The following KCNQ1OT1 variants were observed in gnomAD, a reference collection of about 807,000 sequenced individuals.
KCNQ1OT1 encodes the protein KCNQ1 antisense RNA 2 (non-protein coding).
rs1849259621 is a variant in KCNQ1OT1 at position 2,626,195 on chromosome 11, A to T, written n.73800T>A. 2 of 398,404 alleles carry T rather than the reference A, an allele frequency of 5.0e-6. No homozygotes were observed. Among genetic ancestry groups the T allele is most frequent in the South Asian group, 2.5e-4 (2 of 7,854 alleles). 24.7% of individuals were successfully genotyped at this position (398,404 alleles called of 1,614,324 possible). ...CCTTATAAGACTTCATAGTTTTAGG[A>T]CTTTGACCCATTTTGAGTAAGTTTT... is the stretch of plus-strand genomic sequence containing the variant. On this transcript the variant is annotated non_coding_transcript_exon_variant, in exon 1 of 1. Coordinates refer to ENST00000597346, the Ensembl canonical transcript of KCNQ1OT1. The surrounding 1 kb of genome is among the most constrained non-coding windows in gnomAD (Gnocchi z 4.0).
chr11:2,609,977 C>T (rs1589979960), exon 1 of KCNQ1OT1: 1 of 397,742 alleles, frequency 2.5e-6, no homozygotes, highest in Admixed American at 4.4e-5. Flanking sequence ...TAATTCCTGC[C>T]TTTGATTAGA....
rs375560125 is a variant in KCNQ1OT1 at position 2,667,156 on chromosome 11, T to C, written n.32839A>G. On this transcript the variant is annotated non_coding_transcript_exon_variant, in exon 1 of 1. Transcript: ENST00000597346. Reference sequence around the variant, plus strand: ...AGATGGGATTGGGAATCAGATGCCCTCAATCTGGCTTCCAGCCTGCCATCA... The same window carrying C: ...AGATGGGATTGGGAATCAGATGCCCCCAATCTGGCTTCCAGCCTGCCATCA... The C allele has an allele frequency of 1.0e-3, 403 of 398,646 alleles. No individual in the cohort carries two copies. The highest frequency in any genetic ancestry group is 1.9e-3 in the Middle Eastern group (3 of 1,588). 24.7% of individuals were successfully genotyped at this position (398,646 alleles called of 1,614,324 possible). A position where few individuals can be genotyped will look rare whatever the true frequency, so the allele number is the denominator to read the frequency against.
In KCNQ1OT1 at chr11:2,673,901, C is replaced by T. The variant is rs1309698997; in HGVS notation, n.26094G>A. On this transcript the variant is annotated non_coding_transcript_exon_variant, in exon 1 of 1. Coordinates refer to ENST00000597346, the Ensembl canonical transcript of KCNQ1OT1. This position sits in a 1 kb window ranked among gnomAD's most constrained non-coding sequence, Gnocchi z 4.5. ...GCAGGCACAGGAAGGGATGGGAGCTCAGCTCACCGGGTGCTAGACAAGGGA... is the reference window on the plus strand; with the variant it reads ...GCAGGCACAGGAAGGGATGGGAGCTTAGCTCACCGGGTGCTAGACAAGGGA... The T allele has an allele frequency of 7.6e-6, 3 of 397,056 alleles. No homozygotes were observed. Among genetic ancestry groups the T allele is most frequent in the South Asian group, 1.3e-4 (1 of 7,814 alleles). The allele number at this position is 397,056 out of a possible 1,614,324, so 24.6% of individuals were successfully genotyped here.
chr11:2,659,859 CT>C lies in KCNQ1OT1; in HGVS notation n.40135del, dbSNP rs1193145292. On this transcript the variant is annotated non_coding_transcript_exon_variant, in exon 1 of 1. Transcript: ENST00000597346. This position sits in a 1 kb window ranked among gnomAD's most constrained non-coding sequence, Gnocchi z 4.3. The stretch of plus-strand genomic sequence containing the variant: ...TGTTAATTATGTATCTTTTCATGTG[CT>C]TATTTATAATCCATTTTTAAAATTG... The C allele has an allele frequency of 1.8e-5, 7 of 398,038 alleles. No homozygotes were observed. The East Asian group carries it at 2.5e-4, about 14-fold the overall frequency. 24.7% of individuals were successfully genotyped at this position (398,038 alleles called of 1,614,324 possible).
rs1850575100 is a variant in KCNQ1OT1 at position 2,690,767 on chromosome 11, G to A, written n.9228C>T. 2 of 398,640 alleles carry A rather than the reference G, an allele frequency of 5.0e-6. No individual in the cohort carries two copies. Among genetic ancestry groups the A allele is most frequent in the Non-Finnish European group, 8.8e-6 (2 of 226,072 alleles). The allele number at this position is 398,640 out of a possible 1,614,324, so 24.7% of individuals were successfully genotyped here. On this transcript the variant is annotated non_coding_transcript_exon_variant, in exon 1 of 1. Coordinates refer to ENST00000597346, the Ensembl canonical transcript of KCNQ1OT1. This position sits in a 1 kb window ranked among gnomAD's most constrained non-coding sequence, Gnocchi z 5.1. ...ATCCCAAATCCCTTAGGTGGATGTGGCCTGGCAGGGGGTCAGCAGGAGGGA... is the reference window on the plus strand; with the variant it reads ...ATCCCAAATCCCTTAGGTGGATGTGACCTGGCAGGGGGTCAGCAGGAGGGA...
Position 2,679,079 on chromosome 11 carries a change from A to G in KCNQ1OT1, n.20916T>C. 2.5e-6 allele frequency: 1 copy of G among 398,654 alleles called. No individual in the cohort carries two copies. Among genetic ancestry groups the G allele is most frequent in the Non-Finnish European group, 4.4e-6 (1 of 226,076 alleles). 24.7% of individuals were successfully genotyped at this position (398,654 alleles called of 1,614,324 possible). ...CACCAAAAAAACCCACTAACACCATAAAGTGTCATAGCTAGAGCTAGAGTG... is the reference window on the plus strand; with the variant it reads ...CACCAAAAAAACCCACTAACACCATGAAGTGTCATAGCTAGAGCTAGAGTG... On this transcript the variant is annotated non_coding_transcript_exon_variant, in exon 1 of 1. Transcript: ENST00000597346. This position sits in a 1 kb window ranked among gnomAD's most constrained non-coding sequence, Gnocchi z 4.8.
In KCNQ1OT1 at chr11:2,642,298, T is replaced by A. The variant is rs1589999886; in HGVS notation, n.57697A>T. ...CTTTTCAATTTCTTTCATCAGACTT[T>A]TGTAGTTTTCCTTGTTAGAGGTTTC... On this transcript the variant is annotated non_coding_transcript_exon_variant, in exon 1 of 1. Transcript: ENST00000597346. The surrounding 1 kb of genome is among the most constrained non-coding windows in gnomAD (Gnocchi z 4.3). The A allele has an allele frequency of 7.5e-6, 3 of 398,346 alleles. No individual in the cohort carries two copies. The East Asian group carries it at 1.1e-4, about 14-fold the overall frequency. 24.7% of individuals were successfully genotyped at this position (398,346 alleles called of 1,614,324 possible).
At chr11:2,649,087 C>G in exon 1 of KCNQ1OT1, 1 of 385,232 alleles carries the variant, frequency 2.6e-6, no homozygotes, top group Non-Finnish European at 4.5e-6. Context: ...CATTCCCTTA[C>G]AGTCTATGGG....
In KCNQ1OT1 at chr11:2,657,568, A is replaced by G; in HGVS notation, n.42427T>C. 1 of 398,602 alleles carries G rather than the reference A, an allele frequency of 2.5e-6. No homozygotes were observed. The highest frequency in any genetic ancestry group is 4.4e-6 in the Non-Finnish European group (1 of 226,062). 24.7% of individuals were successfully genotyped at this position (398,602 alleles called of 1,614,324 possible). A position where few individuals can be genotyped will look rare whatever the true frequency, so the allele number is the denominator to read the frequency against. On this transcript the variant is annotated non_coding_transcript_exon_variant, in exon 1 of 1. Coordinates refer to ENST00000597346, the Ensembl canonical transcript of KCNQ1OT1. This position sits in a 1 kb window ranked among gnomAD's most constrained non-coding sequence, Gnocchi z 4.8. Reference sequence around the variant, plus strand: ...TTCACCAGCTTCCCCTAATGTTAGCATCTTATATAACCATGGTACATTGAC... The same window carrying G: ...TTCACCAGCTTCCCCTAATGTTAGCGTCTTATATAACCATGGTACATTGAC...
Position 2,618,658 on chromosome 11 carries a change from T to A in KCNQ1OT1, n.81337A>T, listed in dbSNP as rs184701616. 8.4e-4 allele frequency: 336 copies of A among 398,608 alleles called. 2 individuals are homozygous for A. Among genetic ancestry groups the A allele is most frequent in the African/African-American group, 5.7e-3 (276 of 48,770 alleles). The allele number at this position is 398,608 out of a possible 1,614,324, so 24.7% of individuals were successfully genotyped here. On this transcript the variant is annotated non_coding_transcript_exon_variant, in exon 1 of 1. Coordinates refer to ENST00000597346, the Ensembl canonical transcript of KCNQ1OT1. ...CCCTTTGTTTTTCAGAACAGAATTT[T>A]CAGAATTTCGTTGGCTACTTAAGGT...
chr11:2,659,259 C>T lies in KCNQ1OT1; in HGVS notation n.40736G>A. 5.0e-6 allele frequency: 2 copies of T among 398,624 alleles called. No homozygotes were observed. The highest frequency in any genetic ancestry group is 8.8e-6 in the Non-Finnish European group (2 of 226,064). The allele number at this position is 398,624 out of a possible 1,614,324, so 24.7% of individuals were successfully genotyped here. A position where few individuals can be genotyped will look rare whatever the true frequency, so the allele number is the denominator to read the frequency against. On this transcript the variant is annotated non_coding_transcript_exon_variant, in exon 1 of 1. Transcript: ENST00000597346. The surrounding 1 kb of genome is among the most constrained non-coding windows in gnomAD (Gnocchi z 4.3). ...TACCCTGGGGTGAGTCTTTTGAAGT[C>T]AAGTACTTCTCCCCTAACCACTGGC...
chr11:2,684,926 C>T (rs1367491317), exon 1 of KCNQ1OT1: 1 of 398,564 alleles, frequency 2.5e-6, no homozygotes, highest in Non-Finnish European at 4.4e-6. Context: ...TGTCCCTGAT[C>T]CATGCAGCAT....
exon 1 of KCNQ1OT1, chr11:2,641,662 T>C: frequency 2.5e-6 from 1 of 398,454 alleles, no homozygotes; most frequent in Non-Finnish European, 4.4e-6. Context: ...TTGTCTATTT[T>C]TGTTTTTGTC....
exon 1 of KCNQ1OT1, chr11:2,662,894 ACT>A (rs1342936183): frequency 7.5e-6 from 3 of 397,736 alleles, no homozygotes; most frequent in African/African-American, 4.1e-5. Context: ...TGTTCTTTGG[ACT>A]CTCTGGGGGT....
At position 2,676,146 on chromosome 11, in the gene KCNQ1OT1, G is replaced by GT. The variant is rs1464851259; in HGVS notation, n.23848dup. The GT allele has an allele frequency of 1.0e-5, 4 of 398,486 alleles. No individual in the cohort carries two copies. The highest frequency in any genetic ancestry group is 1.8e-5 in the Non-Finnish European group (4 of 226,064). 24.7% of individuals were successfully genotyped at this position (398,486 alleles called of 1,614,324 possible). On this transcript the variant is annotated non_coding_transcript_exon_variant, in exon 1 of 1. Transcript: ENST00000597346. This position sits in a 1 kb window ranked among gnomAD's most constrained non-coding sequence, Gnocchi z 4.2. ...CTTTTTATACAAATGGTAGCATACT[G>GT]TATGTATTTTTCTACACTTTGCCTT...
rs1266958902 is a variant in KCNQ1OT1, at chr11:2,687,578, G to T, written n.12417C>A. 1 of 398,634 alleles carries T rather than the reference G, an allele frequency of 2.5e-6. No homozygotes were observed. The highest frequency in any genetic ancestry group is 3.6e-5 in the East Asian group (1 of 28,094). 24.7% of individuals were successfully genotyped at this position (398,634 alleles called of 1,614,324 possible). ...GCCCACTCTGATGACCCCCTGTCAAGGAGGTGTGACTGAGAAAGGAAGGGG... is the reference window on the plus strand; with the variant it reads ...GCCCACTCTGATGACCCCCTGTCAATGAGGTGTGACTGAGAAAGGAAGGGG... On this transcript the variant is annotated non_coding_transcript_exon_variant, in exon 1 of 1. Coordinates refer to ENST00000597346, the Ensembl canonical transcript of KCNQ1OT1. This position sits in a 1 kb window ranked among gnomAD's most constrained non-coding sequence, Gnocchi z 5.0.
exon 1 of KCNQ1OT1, chr11:2,650,224 C>T (rs910215078): frequency 8.0e-5 from 32 of 398,110 alleles, no homozygotes; most frequent in South Asian, 1.3e-4. Context: ...TATTTGTGTT[C>T]TCTTGTATCT....
chr11:2,633,039 G>A (rs920854828), exon 1 of KCNQ1OT1: 1 of 398,408 alleles, frequency 2.5e-6, no homozygotes, highest in Non-Finnish European at 4.4e-6. Context: ...CACAAATAGT[G>A]TATTATTTCC....
At chr11:2,632,194 A>G (rs1849367884) in exon 1 of KCNQ1OT1, 1 of 397,856 alleles carries the variant, frequency 2.5e-6, no homozygotes, top group Non-Finnish European at 4.4e-6. Flanking sequence ...AAAAAAAAAA[A>G]AAAAAAAAAG....
Sources: gnomAD v4.1 joint callset for allele counts on GRCh38, gnomAD v4.1.1 for gene constraint, Gnocchi (gnomAD v3.1) non-coding constraint, MANE v1.5 for transcripts, NCBI Gene and HGNC (gene_info 2026-07-23, HGNC 2026-07-21) for gene names.